OPRM1: variants seen among roughly 807,000 people sequenced by gnomAD.
The protein encoded by OPRM1 is mu-type opioid receptor.
A neutral mutation model predicts 31.8 loss-of-function variants in OPRM1; 27 were observed. The observed-to-expected ratio is 0.85, with a 90% CI of 0.63 to 1.17. The LOEUF (loss-of-function observed/expected upper bound fraction) is 1.17. Among genes scored for constraint, OPRM1 ranks in the 50% most tolerant of loss-of-function variants. OPRM1 has a pLI of 0.00. For missense variants in OPRM1, 536 were observed against 511.1 expected (o/e 1.05, Z -0.47); for synonymous variants, 196 against 189.9 (o/e 1.03, Z -0.26).
chr6:154,073,267 G>A (rs752547464), intron 1 of OPRM1, among the ~76,000 whole-genome samples: 7 of 152,156 alleles, frequency 4.6e-5, no homozygotes, highest in Non-Finnish European at 7.4e-5. Context: ...AGGCATGTTA[G>A]TTTACTCTTT....
intron 1 of OPRM1, among the ~76,000 whole-genome samples, chr6:154,032,001 C>T (rs1779036265): frequency 6.6e-6 from 1 of 152,164 alleles, no homozygotes; most frequent in Non-Finnish European, 1.5e-5. Context: ...TCAGCAAGGG[C>T]ACAGTCTGAT....
chr6:154,161,515 C>T (rs1162896942), intron 3 of OPRM1, among the ~76,000 whole-genome samples: 2 of 152,050 alleles, frequency 1.3e-5, no homozygotes, highest in Non-Finnish European at 2.9e-5. Context: ...ACCTGGCCTA[C>T]CCAATTTTTC....
intron 1 of OPRM1, among the ~76,000 whole-genome samples, chr6:154,017,676 A>G (rs1412036451): frequency 6.6e-6 from 1 of 152,210 alleles, no homozygotes; most frequent in Non-Finnish European, 1.5e-5. Context: ...TGAAGGAGCC[A>G]TAAAGCCTCC....
chr6:154,063,736 A>G (rs1784830083), intron 1 of OPRM1, among the ~76,000 whole-genome samples: 1 of 152,036 alleles, frequency 6.6e-6, no homozygotes, highest in East Asian at 1.9e-4. Flanking sequence ...TAACTAATAT[A>G]AGAAGAATCA....
chr6:154,025,877 T>A (rs1341094336), intron 1 of OPRM1, among the ~76,000 whole-genome samples: 2 of 152,178 alleles, frequency 1.3e-5, no homozygotes, highest in Non-Finnish European at 2.9e-5. Context: ...TCTATTTATA[T>A]CTTATTGTAC....
chr6:154,101,020 A>T (rs192456001), intron 3 of OPRM1, among the ~76,000 whole-genome samples: 321 of 151,272 alleles, frequency 2.1e-3, no homozygotes, highest in Non-Finnish European at 3.5e-3. Flanking sequence ...ATGATTTATT[A>T]TGATGAAATG....
In OPRM1 at chr6:154,167,943, G is replaced by T. The variant is rs1398041653; in HGVS notation, c.1164+76471G>T. 1.9e-6 allele frequency: 3 copies of T among 1,596,482 alleles called. No individual in the cohort carries two copies. In the South Asian group the frequency reaches 3.3e-5, roughly 18 times the overall value. On this transcript the variant is annotated intron_variant, in intron 3 of 3. Transcript: ENST00000337049. ...ACCTTTAATGTGCTATTCAATGTTC[G>T]GATTTTGTGGAGTTTCTCGTTTATA...
intron 1 of OPRM1, among the ~76,000 whole-genome samples, chr6:154,051,570 T>G (rs919358004): frequency 6.6e-6 from 1 of 152,186 alleles, no homozygotes; most frequent in African/African-American, 2.4e-5. Flanking sequence ...AATAAGCATA[T>G]GAGAAAAAGC....
At chr6:154,156,779 C>T (rs1420608534) in intron 3 of OPRM1, 5 of 152,126 alleles carry the variant, frequency 3.3e-5, no homozygotes, top group African/African-American at 4.8e-5. Flanking sequence ...ATGCAGGGCT[C>T]AGAGTGTCTA....
intron 3 of OPRM1, among the ~76,000 whole-genome samples, chr6:154,147,142 T>G (rs979660909): frequency 3.3e-5 from 5 of 152,120 alleles, no homozygotes; most frequent in Admixed American, 1.3e-4. Flanking sequence ...AGAGGTGAAG[T>G]TCTGGAGGAC....
At chr6:154,140,224 A>G in intron 3 of OPRM1, among the ~76,000 whole-genome samples, 1 of 152,222 alleles carries the variant, frequency 6.6e-6, no homozygotes. Context: ...CAGAGGAAGT[A>G]AGACTTTAGA....
chr6:154,242,907 T>A (rs1405331431), intron 3 of OPRM1, among the ~76,000 whole-genome samples: 1 of 121,822 alleles, frequency 8.2e-6, no homozygotes, highest in South Asian at 2.8e-4. Context: ...AAAAGAAAAG[T>A]ATAGGCCACT....
At chr6:154,171,323 G>A (rs1020266648) in intron 3 of OPRM1, among the ~76,000 whole-genome samples, 1 of 152,006 alleles carries the variant, frequency 6.6e-6, no homozygotes, top group Non-Finnish European at 1.5e-5. Context: ...CTTCAACATG[G>A]GTGAACCTTG....
intron 1 of OPRM1, among the ~76,000 whole-genome samples, chr6:154,043,414 A>C (rs1230041794): frequency 6.6e-6 from 1 of 152,058 alleles, no homozygotes; most frequent in Non-Finnish European, 1.5e-5. Context: ...TAAATTTAAA[A>C]ATGATCAGTT....
intron 3 of OPRM1, among the ~76,000 whole-genome samples, chr6:154,111,818 T>G (rs1365313388): frequency 6.6e-6 from 1 of 152,070 alleles, no homozygotes; most frequent in African/African-American, 2.4e-5. Context: ...CCAGCTGGAG[T>G]GCAGTGGTGC....
intron 1 of OPRM1, among the ~76,000 whole-genome samples, chr6:154,015,090 G>A (rs1777931714): frequency 1.3e-5 from 2 of 152,078 alleles, no homozygotes; most frequent in South Asian, 4.1e-4. Flanking sequence ...AACCTTATAA[G>A]GAGATCAGTT....
At chr6:154,034,605 C>T (rs1779196621), upstream of OPRM1, among the ~76,000 whole-genome samples, 1 of 151,950 alleles carries the variant, frequency 6.6e-6, no homozygotes, top group Non-Finnish European at 1.5e-5. Context: ...TTATAGAGCT[C>T]TCAGTTTTAA....
In OPRM1 at chr6:154,039,560, G is replaced by GC. The variant is rs1554256936; in HGVS notation, c.21dup (p.Thr8HisfsTer8). ...CGTCAGTACCATGGACAGCAGCGCT[G>GC]CCCCCACGAACGCCAGCAATTGCAC... On this transcript the variant is annotated frameshift_variant, in exon 1 of 4. Transcript: ENST00000330432. LOFTEE classifies it high-confidence loss of function. The GC allele has an allele frequency of 7.5e-5, 121 of 1,612,102 alleles. 1 individual carries two copies. Among genetic ancestry groups the GC allele is most frequent in the South Asian group, 3.3e-4 (30 of 90,572 alleles).
intron 3 of OPRM1, among the ~76,000 whole-genome samples, chr6:154,205,513 T>G (rs956587229): frequency 1.4e-4 from 21 of 152,174 alleles, no homozygotes; most frequent in African/African-American, 5.1e-4. Context: ...GAGAATCACT[T>G]GAACCCAGGA....
Sources: allele counts gnomAD v4.1 joint callset (sites outside exome capture counted in the v4.1 genomes callset), GRCh38; gene constraint gnomAD v4.1.1; transcripts MANE v1.5; gene names NCBI Gene and HGNC (gene_info 2026-07-23, HGNC 2026-07-21).